SERINC1: variants seen among roughly 807,000 people sequenced by gnomAD.
SERINC1 encodes the protein serine incorporator 1.
Under a neutral mutation model 52.9 loss-of-function variants are expected in SERINC1, and 38 were observed. The ratio of observed to expected loss-of-function variants is 0.72; its 90% CI spans 0.55 to 0.94. The LOEUF is 0.94. Ranked by LOEUF, SERINC1 falls within the 40% of genes least tolerant of loss-of-function variation. The pLI, the probability that SERINC1 is intolerant of heterozygous loss-of-function variation, is 0.00. For synonymous variants in SERINC1, 198 were observed against 183.1 expected (o/e 1.08, Z -0.66); for missense variants, 471 against 533.9 (o/e 0.88, Z 1.16).
intron 7 of SERINC1, among the ~76,000 whole-genome samples, chr6:122,451,358 G>A (rs1774900194): frequency 6.6e-6 from 1 of 152,088 alleles, no homozygotes; most frequent in African/African-American, 2.4e-5. Context: ...ACAGACTAGT[G>A]TAAGATAAAC....
At position 122,456,476 on chromosome 6, in the gene SERINC1, C is replaced by A; in HGVS notation, c.371+5G>T. On this transcript the variant is annotated splice_donor_5th_base_variant and intron_variant, in intron 3 of 9. Transcript: ENST00000339697. ...TTTTATATTGAAGCTTATTTAAAAA[C>A]TTACCCATTGTGCACTGCAGCTCTA... is the stretch of plus-strand genomic sequence containing the variant. The A allele has an allele frequency of 1.3e-6, 2 of 1,524,618 alleles. No individual in the cohort carries two copies. Among genetic ancestry groups the A allele is most frequent in the Non-Finnish European group, 1.8e-6 (2 of 1,138,684 alleles). The allele number at this position is 1,524,618 out of a possible 1,614,324, so 94.4% of individuals were successfully genotyped here. A position where few individuals can be genotyped will look rare whatever the true frequency, so the allele number is the denominator to read the frequency against.
intron 1 of SERINC1, among the ~76,000 whole-genome samples, chr6:122,462,027 A>G (rs1240556789): frequency 6.6e-6 from 1 of 152,096 alleles, no homozygotes; most frequent in Non-Finnish European, 1.5e-5. Context: ...AGGATAATAT[A>G]TTGCCACCAG....
intron 1 of SERINC1, among the ~76,000 whole-genome samples, chr6:122,466,830 T>C (rs1356894550): frequency 6.6e-6 from 1 of 152,018 alleles, no homozygotes; most frequent in African/African-American, 2.4e-5. Context: ...AGAAAGACAA[T>C]GTAGAAAATA....
Position 122,451,911 on chromosome 6 carries a change from T to C in SERINC1, c.736A>G (p.Met246Val). 2 of 1,584,200 alleles carry C rather than the reference T, an allele frequency of 1.3e-6. No individual in the cohort carries two copies. Among genetic ancestry groups the C allele is most frequent in the Non-Finnish European group, 1.7e-6 (2 of 1,167,502 alleles). The change falls in exon 6 of 10, where the codon ATG becomes GTG. Residue 246 changes from methionine (M) to valine (V), a missense_variant. Transcript: ENST00000339697. ...NMLLCVGASV[M>V]SILPKIQESQ... Reference sequence around the variant, plus strand: ...ACTTGGATTTTTGGCAGTATAGACATTACAGAAGCACCAACGCAGAGGAGC... The same window carrying C: ...ACTTGGATTTTTGGCAGTATAGACACTACAGAAGCACCAACGCAGAGGAGC...
At chr6:122,458,086 A>G (rs938913954) in intron 2 of SERINC1, among the ~76,000 whole-genome samples, 5 of 152,174 alleles carry the variant, frequency 3.3e-5, no homozygotes, top group South Asian at 2.1e-4. Context: ...TGATTATACC[A>G]CTGCAACAGC....
rs1407134736 is a variant in SERINC1 at position 122,446,848 on chromosome 6, G to A, written c.1152C>T (p.Tyr384=). Residue 384 remains tyrosine (Y), a synonymous_variant, in exon 9 of 10, where the codon TAC becomes TAT. Transcript: ENST00000339697. ...AVDNERDGVT[Y]SYSFFHFMLF... ...GCATGAAGTGAAAGAAGGAATAACT[G>A]TAAGTGACACCATCCCTTTCATTAT... 1.3e-5 allele frequency: 21 copies of A among 1,613,982 alleles called. No individual in the cohort carries two copies. Among genetic ancestry groups the A allele is most frequent in the Non-Finnish European group, 1.5e-5 (18 of 1,179,878 alleles).
intron 1 of SERINC1, among the ~76,000 whole-genome samples, 178 bp from the exon 2 acceptor site, chr6:122,458,859 G>T (rs1438961526): frequency 1.3e-5 from 2 of 152,076 alleles, no homozygotes; most frequent in Non-Finnish European, 2.9e-5. Flanking sequence ...ACAAAACTTA[G>T]CAACTTCTAA....
intron 7 of SERINC1, among the ~76,000 whole-genome samples, chr6:122,449,137 G>T (rs1004827692): frequency 1.3e-5 from 2 of 151,806 alleles, no homozygotes; most frequent in African/African-American, 2.4e-5. Flanking sequence ...CCTCTCCTTG[G>T]GCCTATTTCA....
rs775834971 is a variant in SERINC1, at chr6:122,446,732, A to T, written c.1226+42T>A. The T allele has an allele frequency of 1.3e-5, 17 of 1,303,706 alleles. 1 individual carries two copies. The South Asian group carries it at 2.0e-4, about 16-fold the overall frequency. 80.8% of individuals were successfully genotyped at this position (1,303,706 alleles called of 1,614,324 possible). ...TTTCACAAGAGAATCATAAAATGCCATCAGAATTCACACATCCAGAGTTTT... is the reference window on the plus strand; with the variant it reads ...TTTCACAAGAGAATCATAAAATGCCTTCAGAATTCACACATCCAGAGTTTT... On this transcript the variant is annotated intron_variant, in intron 9 of 9. Transcript: ENST00000339697.
intron 8 of SERINC1, 46 bp downstream of exon 8, chr6:122,447,075 A>T (rs1774819694): frequency 6.3e-7 from 1 of 1,587,502 alleles, no homozygotes; most frequent in Non-Finnish European, 8.6e-7. Flanking sequence ...ATAAATAAAC[A>T]GCTAGACTTC....
intron 8 of SERINC1, 38 bp downstream of exon 8, chr6:122,447,083 T>C (rs763685309): frequency 5.0e-6 from 8 of 1,593,912 alleles, no homozygotes; most frequent in East Asian, 4.5e-5. Flanking sequence ...ACAGCTAGAC[T>C]TCTTGTTTAA....
At chr6:122,451,375 T>G (rs1774900766) in intron 7 of SERINC1, among the ~76,000 whole-genome samples, 1 of 152,116 alleles carries the variant, frequency 6.6e-6, no homozygotes, top group African/African-American at 2.4e-5. Flanking sequence ...AAACAAAAGT[T>G]TTATATGCAC....
Position 122,451,983 on chromosome 6 carries a change from G to A in SERINC1, c.664C>T (p.His222Tyr). ...AIVLFFVYYT[H>Y]PASCSENKAF... is the part of the protein sequence containing the mutation. Reference sequence around the variant, plus strand: ...TTGTTTTCTGAACAACTGGCTGGATGAGTGTAGTAGACAAAGAACAGGACG... The same window carrying A: ...TTGTTTTCTGAACAACTGGCTGGATAAGTGTAGTAGACAAAGAACAGGACG... Residue 222 changes from histidine (H) to tyrosine (Y), a missense_variant, in exon 6 of 10, where the codon CAT becomes TAT. By Grantham distance (83) the His-to-Tyr change is moderately conservative. Transcript: ENST00000339697. The A allele has an allele frequency of 1.3e-6, 2 of 1,598,640 alleles. No homozygotes were observed. Among genetic ancestry groups the A allele is most frequent in the Non-Finnish European group, 1.7e-6 (2 of 1,172,944 alleles).
intron 3 of SERINC1, chr6:122,454,545 A>G: frequency 3.8e-6 from 1 of 264,634 alleles, no homozygotes; most frequent in South Asian, 6.3e-5. Flanking sequence ...AACATGTGAA[A>G]GGAATGGATT....
chr6:122,457,269 G>A (rs1220544629), intron 2 of SERINC1, among the ~76,000 whole-genome samples: 2 of 152,068 alleles, frequency 1.3e-5, no homozygotes, highest in African/African-American at 4.8e-5. Context: ...ATCAGAATCA[G>A]GTTTTCCTTT....
At chr6:122,451,211 T>A (rs142425533) in intron 7 of SERINC1, among the ~76,000 whole-genome samples, 1 of 152,196 alleles carries the variant, frequency 6.6e-6, no homozygotes, top group Non-Finnish European at 1.5e-5. Context: ...GCCGTCAACA[T>A]TGAGGCAAGA....
intron 5 of SERINC1, among the ~76,000 whole-genome samples, chr6:122,453,122 T>C (rs926745125): frequency 6.6e-6 from 1 of 152,186 alleles, no homozygotes; most frequent in African/African-American, 2.4e-5. Flanking sequence ...TCCAATTCAT[T>C]GTAGTCTATT....
chr6:122,461,524 G>A (rs1269725300), intron 1 of SERINC1, among the ~76,000 whole-genome samples: 1 of 139,066 alleles, frequency 7.2e-6, no homozygotes. Context: ...TGGGGGAGGG[G>A]GGAGGGATAG....
rs912916965 is a variant in SERINC1 at position 122,447,139 on chromosome 6, A to C, written c.977T>G (p.Leu326Trp). 6 of 1,613,138 alleles carry C rather than the reference A, an allele frequency of 3.7e-6. No individual in the cohort carries two copies. Among genetic ancestry groups the C allele is most frequent in the African/African-American group, 2.7e-5 (2 of 74,892 alleles). ...TTCCTACCTGGAATAAAATACACAC[A>C]ACAAAAAGAGAATTAGTCCTATAAT... ...QGIIGLILFL[L>W]CVFYSSIRTS... Residue 326 changes from leucine to tryptophan, a missense_variant, in exon 8 of 10, where the codon TTG becomes TGG. Leu to Trp is a moderately conservative substitution (Grantham distance 61). Transcript: ENST00000339697.
Sources: gnomAD v4.1 joint callset for allele counts (sites outside exome capture counted in the v4.1 genomes callset) on GRCh38, gnomAD v4.1.1 for gene constraint, MANE v1.5 for transcripts, NCBI Gene and HGNC (gene_info 2026-07-23, HGNC 2026-07-21) for gene names.